Variants in MAGI1 observed in about 807,000 individuals in gnomAD.
MAGI1 encodes membrane associated guanylate kinase, WW and PDZ domain containing 1.
Under a neutral mutation model 139.9 loss-of-function variants are expected in MAGI1, and 58 were observed. That is an observed-to-expected ratio of 0.41 (90% CI 0.34 to 0.52). The LOEUF (loss-of-function observed/expected upper bound fraction) is 0.52. Among genes scored for constraint, MAGI1 ranks in the 20% least tolerant of loss-of-function variants. The probability of loss-of-function intolerance (pLI) is 0.12; values close to 1 mark genes in which losing one functional copy is unlikely to be tolerated. For missense variants in MAGI1, 1,874 were observed against 1,901.6 expected, an observed-to-expected ratio of 0.99 and a Z score of 0.27; for synonymous variants, 812 against 737.9, an observed-to-expected ratio of 1.10 and a Z score of -1.63.
At chr3:65,842,567 G>A (rs1490992423) in intron 1 of MAGI1, among the ~76,000 whole-genome samples, 1 of 152,016 alleles carries the variant, frequency 6.6e-6, no homozygotes, top group Non-Finnish European at 1.5e-5. Flanking sequence ...CTCCATGTTG[G>A]TCAGGCTGGT....
At chr3:65,478,157 T>C (rs1007631237) in intron 4 of MAGI1, among the ~76,000 whole-genome samples, 3 of 152,096 alleles carry the variant, frequency 2.0e-5, no homozygotes, top group Admixed American at 2.0e-4. Flanking sequence ...CTGCTGGCCT[T>C]CTATACAGCA....
chr3:65,443,619 T>A (rs1948489095), intron 7 of MAGI1, among the ~76,000 whole-genome samples: 2 of 152,186 alleles, frequency 1.3e-5, no homozygotes, highest in African/African-American at 4.8e-5. Flanking sequence ...AACAAGAATC[T>A]GTTGTGGAAA....
intron 1 of MAGI1, among the ~76,000 whole-genome samples, chr3:65,803,120 C>A (rs927168271): frequency 1.3e-5 from 2 of 151,964 alleles, no homozygotes; most frequent in Non-Finnish European, 2.9e-5. Flanking sequence ...CAAAGTATTT[C>A]ACTTTGAATA....
At chr3:65,960,075 G>C (rs2064349904) in intron 1 of MAGI1, among the ~76,000 whole-genome samples, 1 of 151,960 alleles carries the variant, frequency 6.6e-6, no homozygotes, top group Non-Finnish European at 1.5e-5. Flanking sequence ...CCAAAGAGTT[G>C]AGATTACAGG....
At chr3:65,735,300 T>TG (rs533790770) in intron 1 of MAGI1, among the ~76,000 whole-genome samples, 17 of 152,082 alleles carry the variant, frequency 1.1e-4, no homozygotes, top group East Asian at 9.7e-4. Flanking sequence ...TAAGGATTTT[T>TG]GGGGGGGTTC....
At chr3:65,879,181 G>A (rs264705) in intron 1 of MAGI1, among the ~76,000 whole-genome samples, 39,465 of 151,954 alleles carry the variant, frequency 0.26, 6,123 homozygotes, top group African/African-American at 0.42. Context: ...AGACTCGGCC[G>A]AAAATTTCTC....
In MAGI1 at chr3:65,893,333, CT is replaced by C. The variant is rs577178706; in HGVS notation, c.313+144662del. ...AACATCAGATTTACTATTCATTTTT[CT>C]TTTTTTTTTTCATTTCATGAAAATT... On this transcript the variant is annotated intron_variant, in intron 1 of 22. Coordinates refer to ENST00000402939, the MANE Select transcript of MAGI1 (RefSeq NM_001033057.2). Among the ~76,000 whole-genome samples, 64 of 145,366 alleles carry C rather than the reference CT, an allele frequency of 4.4e-4. 1 individual carries two copies. The South Asian group carries it at 5.5e-3, about 13-fold the overall frequency.
chr3:65,613,190 G>A (rs1354751997), intron 2 of MAGI1, among the ~76,000 whole-genome samples: 1 of 152,078 alleles, frequency 6.6e-6, no homozygotes, highest in Non-Finnish European at 1.5e-5. Flanking sequence ...CACTACCTAA[G>A]CTCTCCACAC....
intron 1 of MAGI1, among the ~76,000 whole-genome samples, chr3:65,727,098 T>C (rs2033706168): frequency 6.6e-6 from 1 of 152,158 alleles, no homozygotes; most frequent in Non-Finnish European, 1.5e-5. Context: ...GAAAATTCTG[T>C]GGCCAAATAT....
chr3:65,828,736 A>G (rs2108285159), intron 1 of MAGI1, among the ~76,000 whole-genome samples: 1 of 152,328 alleles, frequency 6.6e-6, no homozygotes, highest in East Asian at 1.9e-4. Context: ...GGACCTTGAG[A>G]TACGGGGATT....
chr3:65,621,336 A>T (rs986675408), intron 2 of MAGI1, among the ~76,000 whole-genome samples: 3 of 152,226 alleles, frequency 2.0e-5, no homozygotes, highest in African/African-American at 7.2e-5. Flanking sequence ...TTCTTTAAAG[A>T]CACTCTGCTT....
chr3:65,739,010 T>G (rs1239675702), intron 1 of MAGI1, among the ~76,000 whole-genome samples: 1 of 152,224 alleles, frequency 6.6e-6, no homozygotes, highest in Non-Finnish European at 1.5e-5. Context: ...TTTGAAGTTT[T>G]GAAGCCAGGC....
chr3:65,870,341 T>A (rs780599911), intron 1 of MAGI1, among the ~76,000 whole-genome samples: 1 of 151,852 alleles, frequency 6.6e-6, no homozygotes, highest in Non-Finnish European at 1.5e-5. Flanking sequence ...ACTGTCCAAA[T>A]GATAGGGAAA....
chr3:65,823,691 A>G (rs2042066584), intron 1 of MAGI1, among the ~76,000 whole-genome samples: 1 of 152,228 alleles, frequency 6.6e-6, no homozygotes, highest in Non-Finnish European at 1.5e-5. Flanking sequence ...TGAGAAGGCA[A>G]TAAAACTGAG....
At chr3:65,605,085 A>G (rs953783848) in intron 2 of MAGI1, among the ~76,000 whole-genome samples, 1 of 152,240 alleles carries the variant, frequency 6.6e-6, no homozygotes, top group Non-Finnish European at 1.5e-5. Context: ...CAGCTCTAAC[A>G]AAGATAAAGT....
intron 2 of MAGI1, among the ~76,000 whole-genome samples, chr3:65,607,480 C>T (rs1407509679): frequency 6.6e-6 from 1 of 152,032 alleles, no homozygotes; most frequent in Admixed American, 6.6e-5. Flanking sequence ...AAAGTGCTTA[C>T]AGGAGTCCAA....
At chr3:65,388,509 T>C (rs527689420) in intron 14 of MAGI1, among the ~76,000 whole-genome samples, 1 of 152,042 alleles carries the variant, frequency 6.6e-6, no homozygotes, top group Non-Finnish European at 1.5e-5. Context: ...CCTAAGAGAA[T>C]GGCAGAAACT....
chr3:65,412,756 T>C (rs1346578827), intron 12 of MAGI1, among the ~76,000 whole-genome samples: 1 of 152,174 alleles, frequency 6.6e-6, no homozygotes, highest in Non-Finnish European at 1.5e-5. Context: ...CCTTGATTTA[T>C]TGGTGAGCTG....
At chr3:65,874,203 T>C (rs565102687) in intron 1 of MAGI1, 1 of 152,178 alleles carries the variant, frequency 6.6e-6, no homozygotes, top group South Asian at 2.1e-4. Context: ...GGAAGATCAT[T>C]TGGACCCAGG....
Sources: allele counts gnomAD v4.1 joint callset (sites outside exome capture counted in the v4.1 genomes callset), GRCh38; gene constraint gnomAD v4.1.1; transcripts MANE v1.5; gene names NCBI Gene and HGNC (gene_info 2026-07-23, HGNC 2026-07-21).